IFT81: variants seen among roughly 807,000 people sequenced by gnomAD.
IFT81 encodes intraflagellar transport 81.
IFT81 carries 72 observed loss-of-function variants against 102.6 expected under a neutral mutation model. The observed-to-expected ratio is 0.70, with a 90% confidence interval of 0.58 to 0.85. The LOEUF is 0.85. Ranked by LOEUF, IFT81 falls within the 40% of genes least tolerant of loss-of-function variation. IFT81 has a pLI of 0.00. For missense variants in IFT81, 723 were observed against 787.3 expected (o/e 0.92, Z 0.98); for synonymous variants, 237 against 242.7 (o/e 0.98, Z 0.22).
At chr12:110,168,665 A>G (rs1013987174) in intron 11 of IFT81, 1 of 153,158 alleles carries the variant, frequency 6.5e-6, no homozygotes, top group Non-Finnish European at 1.5e-5. Flanking sequence ...AAACTTTCAT[A>G]TCAATAATTG....
At chr12:110,217,234 A>G (rs1593385886) in intron 18 of IFT81, among the ~76,000 whole-genome samples, 1 of 151,712 alleles carries the variant, frequency 6.6e-6, no homozygotes, top group Non-Finnish European at 1.5e-5. Flanking sequence ...TAGTAGAGAT[A>G]GGGTTTCACC....
chr12:110,143,943 T>C (rs1204484299), intron 9 of IFT81, among the ~76,000 whole-genome samples: 1 of 152,232 alleles, frequency 6.6e-6, no homozygotes, highest in East Asian at 1.9e-4. Flanking sequence ...TTATTAACCT[T>C]GTATACCTGC....
intron 11 of IFT81, among the ~76,000 whole-genome samples, chr12:110,172,512 G>C (rs1012964725): frequency 2.6e-5 from 4 of 152,038 alleles, no homozygotes; most frequent in South Asian, 2.1e-4. Context: ...TCAGCCTGCC[G>C]AGTGCCTGCA....
chr12:110,141,834 A>C (rs749504229), intron 8 of IFT81, among the ~76,000 whole-genome samples: 1 of 152,214 alleles, frequency 6.6e-6, no homozygotes, highest in Admixed American at 6.5e-5. Flanking sequence ...CAGTGAACCC[A>C]GAATGCACCA....
intron 2 of IFT81, 71 bp downstream of exon 2, chr12:110,127,595 TG>T: frequency 3.6e-6 from 5 of 1,376,372 alleles, no homozygotes; most frequent in Non-Finnish European, 4.8e-6. Context: ...CTGTGAGTCT[TG>T]GGCACATTAT....
At chr12:110,150,138 G>A (rs552922230) in intron 10 of IFT81, among the ~76,000 whole-genome samples, 2 of 151,022 alleles carry the variant, frequency 1.3e-5, no homozygotes, top group Non-Finnish European at 3.0e-5. Context: ...ACAGAGTCTC[G>A]CTTTGTCACC....
intron 10 of IFT81, among the ~76,000 whole-genome samples, chr12:110,159,141 G>C (rs959879639): frequency 1.3e-4 from 20 of 152,170 alleles, no homozygotes; most frequent in African/African-American, 4.6e-4. Flanking sequence ...TTTTTTGATT[G>C]GTGTAGACTG....
rs535095659 is a variant in IFT81, at chr12:110,142,952, A to G, written c.782-430A>G. On this transcript the variant is annotated intron_variant, in intron 8 of 18. Coordinates refer to ENST00000242591, the MANE Select transcript of IFT81 (RefSeq NM_014055.4). Reference sequence around the variant, plus strand: ...TATATATAGCATTAAAAGTATTCCAAAAGAAAAAAAATACATGATCATCTG... The same window carrying G: ...TATATATAGCATTAAAAGTATTCCAGAAGAAAAAAAATACATGATCATCTG... Among the ~76,000 whole-genome samples, 10 of 152,224 alleles carry G rather than the reference A, an allele frequency of 6.6e-5. No individual in the cohort carries two copies. The South Asian group carries it at 2.1e-3, about 32-fold the overall frequency.
chr12:110,164,653 C>A (rs181292771), intron 11 of IFT81, among the ~76,000 whole-genome samples: 2 of 152,258 alleles, frequency 1.3e-5, no homozygotes, highest in African/African-American at 4.8e-5. Flanking sequence ...TGTACCCTCC[C>A]AATGTGCCTT....
intron 10 of IFT81, among the ~76,000 whole-genome samples, chr12:110,154,721 A>C (rs1264240434): frequency 6.6e-6 from 1 of 151,906 alleles, no homozygotes; most frequent in East Asian, 1.9e-4. Context: ...TCTGTTGATG[A>C]TTTCTAACTT....
Position 110,146,779 on chromosome 12 carries a change from G to A in IFT81, c.946-174G>A, listed in dbSNP as rs557894048. 5.3e-5 allele frequency among the ~76,000 whole-genome samples: 8 copies of A among 151,814 alleles called. No homozygotes were observed. In the East Asian group the frequency reaches 1.5e-3, roughly 29 times the overall value. On this transcript the variant is annotated intron_variant, in intron 9 of 18. Coordinates refer to ENST00000242591, the MANE Select transcript of IFT81 (RefSeq NM_014055.4). Reference sequence around the variant, plus strand: ...AGCCCAGGAATTCAAAATCAGTCTGGGCAACATAGCAAGACCCCATCTCTT... The same window carrying A: ...AGCCCAGGAATTCAAAATCAGTCTGAGCAACATAGCAAGACCCCATCTCTT...
Position 110,124,514 on chromosome 12 carries a change from G to C in IFT81, c.-369G>C, listed in dbSNP as rs553919740. On this transcript the variant is annotated 5_prime_UTR_variant, in exon 1 of 19. Coordinates refer to ENST00000242591, the MANE Select transcript of IFT81 (RefSeq NM_014055.4). ...TAGGAGAGAGCTCCCGTCCTCTCTC[G>C]GTCCTGATGCAGCACCTCGCAAGTG... is the stretch of plus-strand genomic sequence containing the variant. The C allele has an allele frequency of 4.6e-5, 7 of 152,294 alleles. No homozygotes were observed. The highest frequency in any genetic ancestry group is 1.4e-4 in the African/African-American group (6 of 41,552). The allele number at this position is 152,294 out of a possible 1,614,324, so 9.4% of individuals were successfully genotyped here. A position where few individuals can be genotyped will look rare whatever the true frequency, so the allele number is the denominator to read the frequency against.
At chr12:110,157,258 A>G (rs890695926) in intron 10 of IFT81, among the ~76,000 whole-genome samples, 7 of 152,148 alleles carry the variant, frequency 4.6e-5, no homozygotes, top group Non-Finnish European at 8.8e-5. Context: ...CTGAGGCAGG[A>G]GAATTGCTTG....
chr12:110,163,133 G>A, intron 11 of IFT81, 68 bp downstream of exon 11: 4 of 1,257,982 alleles, frequency 3.2e-6, no homozygotes, highest in Non-Finnish European at 4.5e-6. Flanking sequence ...TAGTGTGTTT[G>A]ACTTTCTTAG....
intron 9 of IFT81, among the ~76,000 whole-genome samples, chr12:110,146,654 A>G (rs1895240725): frequency 6.6e-6 from 1 of 152,200 alleles, no homozygotes; most frequent in Non-Finnish European, 1.5e-5. Flanking sequence ...TGTTTTGCCC[A>G]TCAGAGACTT....
rs192757901 is a variant in IFT81 at position 110,144,430 on chromosome 12, T to C, written c.945+885T>C. ...CAGGGTTTCACCGTGTTGGTCATGC[T>C]GGTCTCAAACTCCTGACCTTGTGAT... On this transcript the variant is annotated intron_variant, in intron 9 of 18. Transcript: ENST00000242591. 3.3e-3 allele frequency among the ~76,000 whole-genome samples: 505 copies of C among 152,076 alleles called. 4 individuals carry two copies. Among genetic ancestry groups the C allele is most frequent in the African/African-American group, 0.012 (490 of 41,470 alleles).
In IFT81 at chr12:110,154,954, C is replaced by A. The variant is rs74467961; in HGVS notation, c.1041+7906C>A. Among the ~76,000 whole-genome samples, 1,007 of 152,106 alleles carry A rather than the reference C, an allele frequency of 6.6e-3. 1 individual carries two copies. Among genetic ancestry groups the A allele is most frequent in the Non-Finnish European group, 9.2e-3 (626 of 67,980 alleles). On this transcript the variant is annotated intron_variant, in intron 10 of 18. Transcript: ENST00000242591. ...TAACTTATATTCTGTTTGTTCTATC[C>A]ATTATTGAGACTGAATGTTGAAGTC...
intron 11 of IFT81, among the ~76,000 whole-genome samples, chr12:110,179,773 T>TACACAC (rs34207126): frequency 0.049 from 2,428 of 50,050 alleles, 213 homozygotes; most frequent in Non-Finnish European, 0.071. Flanking sequence ...TATATATATA[T>TACACAC]ACACACACAC....
chr12:110,183,096 C>A (rs1432664230), intron 12 of IFT81, among the ~76,000 whole-genome samples: 5 of 152,160 alleles, frequency 3.3e-5, no homozygotes, highest in Non-Finnish European at 7.3e-5. Flanking sequence ...GGTAAAATTA[C>A]TGAATTATAT....
Sources: allele counts gnomAD v4.1 joint callset (sites outside exome capture counted in the v4.1 genomes callset), GRCh38; gene constraint gnomAD v4.1.1; transcripts MANE v1.5; gene names NCBI Gene and HGNC (gene_info 2026-07-23, HGNC 2026-07-21).